Variants in ASPH observed in about 807,000 individuals in gnomAD.
ASPH encodes aspartyl/asparaginyl beta-hydroxylase.
Under a neutral mutation model 118.4 loss-of-function variants are expected in ASPH, and 100 were observed. That is an observed-to-expected ratio of 0.84 (90% CI 0.72 to 1.00). The LOEUF is 1.00. ASPH is among the 50% of genes least tolerant of loss of function. The pLI is 0.00. For missense variants in ASPH, 920 were observed against 919.5 expected, an observed-to-expected ratio of 1.00 and a Z score of -0.01; for synonymous variants, 315 against 325.6, an observed-to-expected ratio of 0.97 and a Z score of 0.35.
At chr8:61,696,128 T>A (rs1833874063) in intron 1 of ASPH, among the ~76,000 whole-genome samples, 1 of 152,124 alleles carries the variant, frequency 6.6e-6, no homozygotes, top group Non-Finnish European at 1.5e-5. Flanking sequence ...GGGCTGTACA[T>A]GAGTGGGGCC....
At position 61,714,548 on chromosome 8, in the gene ASPH, C is replaced by T. The variant is rs13439225; in HGVS notation, c.-177G>A. The T allele has an allele frequency of 2.0e-6, 2 of 989,984 alleles. No individual in the cohort carries two copies. The highest frequency in any genetic ancestry group is 2.6e-6 in the Non-Finnish European group (2 of 757,570). 61.3% of individuals were successfully genotyped at this position (989,984 alleles called of 1,614,324 possible). Reference sequence around the variant, plus strand: ...CAGCACCTGGGAAGACTTCACCCGCCTGCCGGCTGCGCGCGCCCGGCCTCG... The same window carrying T: ...CAGCACCTGGGAAGACTTCACCCGCTTGCCGGCTGCGCGCGCCCGGCCTCG... On this transcript the variant is annotated 5_prime_UTR_variant, in exon 1 of 25. Coordinates refer to ENST00000379454, the MANE Select transcript of ASPH (RefSeq NM_004318.4).
At chr8:61,514,680 G>A (rs1330307518) in intron 24 of ASPH, among the ~76,000 whole-genome samples, 1 of 152,080 alleles carries the variant, frequency 6.6e-6, no homozygotes, top group Admixed American at 6.5e-5. Flanking sequence ...TTGTACTCCA[G>A]CCTGGGCGAC....
Position 61,684,049 on chromosome 8 carries a change from C to G in ASPH, c.243G>C (p.Glu81Asp). Reference sequence around the variant, plus strand: ...TATCAAAATTCTTACCTAGAACTTCCTCATAGTCAACAAGATCAAACCAAA... The same window carrying G: ...TATCAAAATTCTTACCTAGAACTTCGTCATAGTCAACAAGATCAAACCAAA... ...AVVWFDLVDYEEVLGKLGIYD... is the reference protein window; with the variant it reads ...AVVWFDLVDYDEVLGKLGIYD... The change falls in exon 2 of 25, where the codon GAG becomes GAC. Residue 81 changes from glutamate (E) to aspartate (D), a missense_variant. Glu to Asp is a conservative substitution (Grantham distance 45). Transcript: ENST00000379454. The G allele has an allele frequency of 6.2e-7, 1 of 1,613,438 alleles. No individual in the cohort carries two copies. The highest frequency in any genetic ancestry group is 1.3e-5 in the African/African-American group (1 of 74,980).
At chr8:61,572,217 C>G (rs1833667230) in intron 16 of ASPH, among the ~76,000 whole-genome samples, 1 of 152,134 alleles carries the variant, frequency 6.6e-6, no homozygotes, top group Admixed American at 6.5e-5. Context: ...CTGCATGGAC[C>G]TTCTCCATAG....
chr8:61,695,917 TC>T (rs1174360951), intron 1 of ASPH, among the ~76,000 whole-genome samples: 39 of 152,296 alleles, frequency 2.6e-4, no homozygotes, highest in African/African-American at 7.7e-4. Flanking sequence ...ACTTCAGGTT[TC>T]CCCATCTCCA....
intron 15 of ASPH, chr8:61,578,278 T>G: frequency 6.3e-7 from 1 of 1,589,050 alleles, no homozygotes; most frequent in Non-Finnish European, 8.6e-7. Flanking sequence ...CCCCGGGCCT[T>G]CAGCAGCCGC....
intron 3 of ASPH, chr8:61,665,257 G>C (rs146584245): frequency 1.3e-6 from 2 of 1,589,008 alleles, no homozygotes; most frequent in Non-Finnish European, 8.5e-7. Context: ...AGCTTTAGCC[G>C]TTTCTTTTCT....
intron 22 of ASPH, among the ~76,000 whole-genome samples, chr8:61,523,462 C>T (rs996681599): frequency 2.0e-5 from 3 of 151,594 alleles, no homozygotes; most frequent in Admixed American, 6.6e-5. Flanking sequence ...ATTACAGGCA[C>T]GTGCCACTAT....
intron 3 of ASPH, chr8:61,663,212 G>A (rs1817822972): frequency 3.2e-5 from 32 of 985,150 alleles, no homozygotes; most frequent in Non-Finnish European, 3.7e-5. Context: ...TCACTTTCTT[G>A]TCCCAGAAGC....
intron 15 of ASPH, chr8:61,579,784 C>T (rs1208316083): frequency 2.6e-6 from 2 of 760,388 alleles, no homozygotes; most frequent in Admixed American, 1.9e-5. Flanking sequence ...AGGCTCAGCC[C>T]TAGCCCTCAG....
At chr8:61,655,240 G>C (rs1813035753) in intron 3 of ASPH, among the ~76,000 whole-genome samples, 1 of 152,146 alleles carries the variant, frequency 6.6e-6, no homozygotes, top group South Asian at 2.1e-4. Flanking sequence ...CAGGGCCAGG[G>C]CTTCTTAGGT....
At chr8:61,695,518 C>T (rs886449899) in intron 1 of ASPH, among the ~76,000 whole-genome samples, 3 of 152,166 alleles carry the variant, frequency 2.0e-5, no homozygotes, top group African/African-American at 4.8e-5. Context: ...CACATACAAC[C>T]CCCACACCCC....
intron 5 of ASPH, among the ~76,000 whole-genome samples, chr8:61,650,849 T>C (rs1810610523): frequency 6.6e-6 from 1 of 152,194 alleles, no homozygotes; most frequent in African/African-American, 2.4e-5. Context: ...ATGCAGTGAG[T>C]TCCTCCACGG....
chr8:61,648,947 G>A (rs368467527), intron 5 of ASPH, among the ~76,000 whole-genome samples: 491 of 152,310 alleles, frequency 3.2e-3, no homozygotes, highest in Non-Finnish European at 5.1e-3. Context: ...GATATACCAG[G>A]TGCAGGGGTG....
At chr8:61,518,766 C>T (rs1417713759) in intron 22 of ASPH, among the ~76,000 whole-genome samples, 1 of 152,156 alleles carries the variant, frequency 6.6e-6, no homozygotes, top group East Asian at 1.9e-4. Flanking sequence ...CCTTAATCTA[C>T]AGTACATATC....
chr8:61,632,358 G>T (rs1044989064), intron 13 of ASPH, among the ~76,000 whole-genome samples: 1 of 152,032 alleles, frequency 6.6e-6, no homozygotes, highest in African/African-American at 2.4e-5. Flanking sequence ...ATATTAATTT[G>T]TACAAACATT....
intron 15 of ASPH, chr8:61,583,023 A>T (rs1416709556): frequency 1.3e-5 from 2 of 152,218 alleles, no homozygotes; most frequent in African/African-American, 4.8e-5. Flanking sequence ...ATTGTTCTCA[A>T]AATTGTAATA....
intron 1 of ASPH, among the ~76,000 whole-genome samples, chr8:61,710,846 A>G (rs1295598097): frequency 6.6e-6 from 1 of 152,214 alleles, no homozygotes; most frequent in East Asian, 1.9e-4. Flanking sequence ...AGAGACACTC[A>G]AAGTAGAAAG....
At chr8:61,528,651 T>C (rs545362904) in intron 21 of ASPH, among the ~76,000 whole-genome samples, 2 of 152,358 alleles carry the variant, frequency 1.3e-5, no homozygotes, top group East Asian at 1.9e-4. Flanking sequence ...GTTAAAGTGA[T>C]TGCATCACTC....
Sources: allele counts gnomAD v4.1 joint callset (sites outside exome capture counted in the v4.1 genomes callset), GRCh38; gene constraint gnomAD v4.1.1; transcripts MANE v1.5; gene names NCBI Gene and HGNC (gene_info 2026-07-23, HGNC 2026-07-21).